The following ODAD4 variants were observed in gnomAD, a reference collection of about 807,000 sequenced individuals.
ODAD4 encodes the protein outer dynein arm docking complex subunit 4.
In ODAD4, 49 loss-of-function variants were observed where a neutral mutation model predicts 51.8. The observed-to-expected ratio is 0.95, with a 90% CI of 0.75 to 1.20. The LOEUF (loss-of-function observed/expected upper bound fraction) is 1.20. Among genes scored for constraint, ODAD4 ranks in the 50% most tolerant of loss-of-function variants. ODAD4 has a pLI of 0.00. For synonymous variants in ODAD4, 235 were observed against 221.3 expected, an observed-to-expected ratio of 1.06 and a Z score of -0.55; for missense variants, 590 against 586.5, an observed-to-expected ratio of 1.01 and a Z score of -0.06.
In ODAD4 at chr17:41,930,850, C is replaced by T. The variant is rs2050319297; in HGVS notation, c.114+13C>T. On this transcript the variant is annotated intron_variant, in intron 1 of 11. Transcript: ENST00000377540. Reference sequence around the variant, plus strand: ...GAGCTTCAGCAACGTGAGTCGAGCTCTCAACCTATCCATCACCCCATCACC... The same window carrying T: ...GAGCTTCAGCAACGTGAGTCGAGCTTTCAACCTATCCATCACCCCATCACC... 4.0e-6 allele frequency: 4 copies of T among 1,005,090 alleles called. No individual in the cohort carries two copies. The highest frequency in any genetic ancestry group is 3.2e-5 in the East Asian group (1 of 31,306). 62.3% of individuals were successfully genotyped at this position (1,005,090 alleles called of 1,614,324 possible).
chr17:41,936,180 G>A (rs1345571639), intron 3 of ODAD4, among the ~76,000 whole-genome samples: 2 of 152,234 alleles, frequency 1.3e-5, no homozygotes, highest in Non-Finnish European at 2.9e-5. Flanking sequence ...GTGAGAGCAA[G>A]TGAGAGCTTG....
At chr17:41,955,690 C>T (rs1348846030) in intron 10 of ODAD4, among the ~76,000 whole-genome samples, 1 of 152,156 alleles carries the variant, frequency 6.6e-6, no homozygotes, top group Non-Finnish European at 1.5e-5. Flanking sequence ...TCTCAAAATG[C>T]TGGGATTACA....
chr17:41,955,849 G>A (rs1036354710), intron 10 of ODAD4, among the ~76,000 whole-genome samples: 4 of 151,656 alleles, frequency 2.6e-5, no homozygotes, highest in Admixed American at 6.6e-5. Flanking sequence ...TCTCACTCCC[G>A]TTGGCCAGGT....
chr17:41,952,563 A>C (rs918855317), intron 9 of ODAD4: 31 of 331,888 alleles, frequency 9.3e-5, no homozygotes, highest in Non-Finnish European at 1.6e-4. Context: ...AAAAAAAAAA[A>C]AAAAAACAGA....
At chr17:41,944,569 C>A (rs2050560843) in intron 7 of ODAD4, among the ~76,000 whole-genome samples, 1 of 151,936 alleles carries the variant, frequency 6.6e-6, no homozygotes, top group South Asian at 2.1e-4. Context: ...GTGGGTAGAT[C>A]ACCTGAGATC....
At chr17:41,940,131 T>A (rs1412234189) in intron 7 of ODAD4, among the ~76,000 whole-genome samples, 11 of 152,114 alleles carry the variant, frequency 7.2e-5, no homozygotes, top group Admixed American at 7.2e-4. Context: ...CCTGCCTGGT[T>A]TCTACCCATC....
At chr17:41,939,603 C>A (rs1464204482) in intron 7 of ODAD4, among the ~76,000 whole-genome samples, 2 of 152,246 alleles carry the variant, frequency 1.3e-5, no homozygotes, top group East Asian at 3.9e-4. Context: ...AAGAAAAGTA[C>A]AGGATCCAGT....
chr17:41,956,171 C>T (rs2050729830), intron 10 of ODAD4, among the ~76,000 whole-genome samples: 1 of 151,692 alleles, frequency 6.6e-6, no homozygotes, highest in African/African-American at 2.4e-5. Flanking sequence ...CCTCAGCCTC[C>T]CGAGTAGCTG....
At chr17:41,959,353 A>G (rs957023785) in intron 10 of ODAD4, among the ~76,000 whole-genome samples, 9 of 152,250 alleles carry the variant, frequency 5.9e-5, no homozygotes, top group African/African-American at 2.2e-4. Context: ...CCCAGGAAGT[A>G]TCTGCTGGAG....
intron 10 of ODAD4, among the ~76,000 whole-genome samples, chr17:41,957,244 C>T (rs993800547): frequency 1.3e-5 from 2 of 152,080 alleles, no homozygotes; most frequent in Non-Finnish European, 2.9e-5. Flanking sequence ...GCACCAGGCT[C>T]CAGTTTTGCA....
chr17:41,936,224 T>G (rs1335570658), intron 3 of ODAD4, among the ~76,000 whole-genome samples: 1 of 152,122 alleles, frequency 6.6e-6, no homozygotes, highest in Non-Finnish European at 1.5e-5. Context: ...AATGGACAGT[T>G]TCCCCTGCAT....
chr17:41,962,575 A>G (rs2050820437), intron 11 of ODAD4, among the ~76,000 whole-genome samples: 1 of 152,194 alleles, frequency 6.6e-6, no homozygotes, highest in Admixed American at 6.5e-5. Context: ...GCACGGACTC[A>G]TCCTATCTGT....
chr17:41,938,859 G>A (rs1180572579), intron 6 of ODAD4, 78 bp downstream of exon 6: 1 of 1,567,194 alleles, frequency 6.4e-7, no homozygotes, highest in Non-Finnish European at 8.7e-7. Flanking sequence ...AGGTGTCTGA[G>A]CCCCTGGTCT....
intron 8 of ODAD4, 73 bp downstream of exon 8, chr17:41,945,295 C>T: frequency 8.3e-7 from 1 of 1,209,434 alleles, no homozygotes; most frequent in African/African-American, 1.5e-5. Flanking sequence ...AAATTTGTTT[C>T]CGGTAATAAG....
Position 41,930,664 on chromosome 17 carries a change from T to C in ODAD4, c.-60T>C. The C allele has an allele frequency of 8.9e-7, 1 of 1,123,808 alleles. No homozygotes were observed. Among genetic ancestry groups the C allele is most frequent in the Admixed American group, 2.0e-5 (1 of 49,814 alleles). 69.6% of individuals were successfully genotyped at this position (1,123,808 alleles called of 1,614,324 possible). ...AGAAACGGAGCTTCCACAAACCAGA[T>C]AGAGGTTCTCCAGCTTTTCTTTGAT... is the stretch of plus-strand genomic sequence containing the variant. On this transcript the variant is annotated 5_prime_UTR_variant, in exon 1 of 12. Transcript: ENST00000377540.
At chr17:41,953,592 G>A (rs781786917) in intron 9 of ODAD4, among the ~76,000 whole-genome samples, 40 of 152,112 alleles carry the variant, frequency 2.6e-4, no homozygotes, top group Middle Eastern at 3.4e-3. Flanking sequence ...AGGATTGCTT[G>A]AGGCCAGTAG....
chr17:41,933,281 A>G (rs1211331727), intron 1 of ODAD4, among the ~76,000 whole-genome samples: 2 of 151,708 alleles, frequency 1.3e-5, no homozygotes, highest in Non-Finnish European at 1.5e-5. Context: ...ACCAGGAGAC[A>G]GAGGGTTGCA....
At chr17:41,963,906 T>G (rs1302975739) in intron 11 of ODAD4, among the ~76,000 whole-genome samples, 1 of 150,600 alleles carries the variant, frequency 6.6e-6, no homozygotes, top group Non-Finnish European at 1.5e-5. Flanking sequence ...GTGCCTTTTT[T>G]TTTTTTTGAA....
At chr17:41,936,118 C>A (rs2050422457) in intron 3 of ODAD4, among the ~76,000 whole-genome samples, 1 of 152,188 alleles carries the variant, frequency 6.6e-6, no homozygotes, top group African/African-American at 2.4e-5. Context: ...CAGACGCATA[C>A]CAAGGGCTGG....
Sources: allele counts gnomAD v4.1 joint callset (sites outside exome capture counted in the v4.1 genomes callset), GRCh38; gene constraint gnomAD v4.1.1; transcripts MANE v1.5; gene names NCBI Gene and HGNC (gene_info 2026-07-23, HGNC 2026-07-21).